The following GPC5 variants were observed in gnomAD, a reference collection of about 807,000 sequenced individuals.
GPC5 encodes glypican-5.
GPC5 carries 47 observed loss-of-function variants against 53.9 expected under a neutral mutation model. The ratio of observed to expected loss-of-function variants is 0.87; its 90% CI spans 0.69 to 1.11. GPC5 has a LOEUF of 1.11. Ranked by LOEUF, GPC5 falls within the 50% of genes most tolerant of loss-of-function variation. The probability of loss-of-function intolerance (pLI) is 0.00; values close to 1 mark genes in which losing one functional copy is unlikely to be tolerated. For missense variants in GPC5, 748 were observed against 713.1 expected (o/e 1.05, Z -0.56); for synonymous variants, 286 against 263.3 (o/e 1.09, Z -0.84).
intron 6 of GPC5, among the ~76,000 whole-genome samples, chr13:92,080,258 C>A (rs1395363712): frequency 1.3e-5 from 2 of 152,094 alleles, no homozygotes; most frequent in Non-Finnish European, 2.9e-5. Context: ...TCTCTCCAAC[C>A]ACATCCTCTT....
At chr13:91,500,219 C>A (rs1884541849) in intron 2 of GPC5, among the ~76,000 whole-genome samples, 1 of 152,170 alleles carries the variant, frequency 6.6e-6, no homozygotes, top group Admixed American at 6.6e-5. Context: ...AGGATAGGGA[C>A]TTTTCTTCAC....
intron 3 of GPC5, among the ~76,000 whole-genome samples, chr13:91,698,110 C>G (rs2035920820): frequency 6.6e-6 from 1 of 151,950 alleles, no homozygotes; most frequent in African/African-American, 2.4e-5. Context: ...ACCATGTTGG[C>G]CAGGTTGGTC....
intron 5 of GPC5, among the ~76,000 whole-genome samples, chr13:91,849,589 G>A (rs2038891017): frequency 6.6e-6 from 1 of 151,982 alleles, no homozygotes; most frequent in Non-Finnish European, 1.5e-5. Flanking sequence ...CCGGCTTACT[G>A]AACTTTAATG....
chr13:92,124,248 GAAAAA>G (rs34042033), intron 6 of GPC5, among the ~76,000 whole-genome samples: 4 of 54,984 alleles, frequency 7.3e-5, no homozygotes, highest in African/African-American at 2.2e-4. Context: ...CGGACAGAAT[GAAAAA>G]AAAAAAAAAA....
chr13:91,743,805 T>C (rs1041221610), intron 4 of GPC5, among the ~76,000 whole-genome samples: 6 of 152,176 alleles, frequency 3.9e-5, no homozygotes, highest in Non-Finnish European at 5.9e-5. Context: ...TGTAGAATCA[T>C]GTGTAGCTTC....
intron 7 of GPC5, among the ~76,000 whole-genome samples, chr13:92,238,132 T>C (rs2042583644): frequency 6.6e-6 from 1 of 152,052 alleles, no homozygotes; most frequent in Admixed American, 6.6e-5. Context: ...TGAATATTTA[T>C]GTACATATTT....
chr13:92,277,046 G>A (rs1353972645), intron 7 of GPC5, among the ~76,000 whole-genome samples: 2 of 151,334 alleles, frequency 1.3e-5, no homozygotes, highest in African/African-American at 2.4e-5. Flanking sequence ...GCAACATTCT[G>A]TTGCTTACAA....
chr13:92,382,250 A>G (rs946473327), intron 7 of GPC5, among the ~76,000 whole-genome samples: 1 of 152,162 alleles, frequency 6.6e-6, no homozygotes. Flanking sequence ...ATAAAAGACT[A>G]CAAATATGGT....
intron 7 of GPC5, among the ~76,000 whole-genome samples, chr13:92,316,364 A>G (rs184603036): frequency 6.6e-6 from 1 of 152,286 alleles, no homozygotes; most frequent in African/African-American, 2.4e-5. Context: ...ACAAATATAC[A>G]GATAATTATG....
intron 7 of GPC5, among the ~76,000 whole-genome samples, chr13:92,544,284 C>T (rs1882027138): frequency 6.6e-6 from 1 of 152,056 alleles, no homozygotes; most frequent in Admixed American, 6.6e-5. Context: ...GTTTCTGAAG[C>T]CTCATCCCAG....
intron 2 of GPC5, among the ~76,000 whole-genome samples, chr13:91,630,261 G>T (rs932562038): frequency 2.0e-5 from 3 of 152,088 alleles, no homozygotes; most frequent in African/African-American, 7.2e-5. Context: ...ACAGTAAAGG[G>T]CAGCCTCTGA....
intron 7 of GPC5, among the ~76,000 whole-genome samples, chr13:92,678,634 G>A (rs1887022882): frequency 6.6e-6 from 1 of 152,180 alleles, no homozygotes; most frequent in South Asian, 2.1e-4. Context: ...TAGTTGTAAG[G>A]CAAGAAGAGG....
chr13:92,823,560 C>T (rs1877744476), intron 7 of GPC5, among the ~76,000 whole-genome samples: 1 of 151,986 alleles, frequency 6.6e-6, no homozygotes, highest in Admixed American at 6.6e-5. Context: ...GACCGATTAA[C>T]AATGAGAAAA....
At chr13:92,786,903 C>A (rs886296997) in intron 7 of GPC5, among the ~76,000 whole-genome samples, 1 of 152,128 alleles carries the variant, frequency 6.6e-6, no homozygotes, top group Admixed American at 6.5e-5. Flanking sequence ...CAGCAACAGG[C>A]AAAGGGATCC....
In GPC5 at chr13:92,298,241, T is replaced by C. The variant is rs562334506; in HGVS notation, c.1561+153252T>C. Among the ~76,000 whole-genome samples the C allele has an allele frequency of 4.6e-5, 7 of 152,192 alleles. No individual in the cohort carries two copies. The East Asian group carries it at 1.4e-3, about 29-fold the overall frequency. Reference sequence around the variant, plus strand: ...GCAGGGCTGAGAACTTGTCCTAGGCTCCCCGCCTCCCAGCTGCGAAAGTAA... The same window carrying C: ...GCAGGGCTGAGAACTTGTCCTAGGCCCCCCGCCTCCCAGCTGCGAAAGTAA... On this transcript the variant is annotated intron_variant, in intron 7 of 7. Coordinates refer to ENST00000377067, the MANE Select transcript of GPC5 (RefSeq NM_004466.6).
intron 7 of GPC5, among the ~76,000 whole-genome samples, chr13:92,647,317 A>T (rs997567114): frequency 6.6e-6 from 1 of 152,140 alleles, no homozygotes; most frequent in African/African-American, 2.4e-5. Context: ...TAACTAACAA[A>T]TGTTGAATTT....
intron 7 of GPC5, among the ~76,000 whole-genome samples, chr13:92,408,681 A>T (rs1038550718): frequency 6.6e-6 from 1 of 152,000 alleles, no homozygotes; most frequent in African/African-American, 2.4e-5. Flanking sequence ...ATATGTATTT[A>T]TATATACATG....
intron 6 of GPC5, among the ~76,000 whole-genome samples, chr13:91,952,586 C>A (rs2040037294): frequency 6.6e-6 from 1 of 152,050 alleles, no homozygotes; most frequent in Admixed American, 6.6e-5. Context: ...CAAAAAGAAT[C>A]TCTGGGAATG....
At chr13:92,088,275 C>T (rs2041351586) in intron 6 of GPC5, among the ~76,000 whole-genome samples, 1 of 152,118 alleles carries the variant, frequency 6.6e-6, no homozygotes, top group African/African-American at 2.4e-5. Context: ...CGGTGTCATT[C>T]ATGATACAAT....
Sources: gnomAD v4.1 joint callset for allele counts (sites outside exome capture counted in the v4.1 genomes callset) on GRCh38, gnomAD v4.1.1 for gene constraint, MANE v1.5 for transcripts, NCBI Gene and HGNC (gene_info 2026-07-23, HGNC 2026-07-21) for gene names.